The following FGD4 variants were observed in gnomAD, a reference collection of about 807,000 sequenced individuals.
FGD4 encodes FYVE, RhoGEF and PH domain containing 4.
FGD4 carries 42 observed loss-of-function variants against 102.0 expected under a neutral mutation model. The observed-to-expected ratio is 0.41, with a 90% CI of 0.32 to 0.53. FGD4 has a LOEUF of 0.53. Among genes scored for constraint, FGD4 ranks in the 20% least tolerant of loss-of-function variants. The pLI is 0.21. For missense variants in FGD4, 902 were observed against 1,078.2 expected (o/e 0.84, Z 2.29); for synonymous variants, 380 against 375.7 (o/e 1.01, Z -0.13).
intron 1 of FGD4, among the ~76,000 whole-genome samples, chr12:32,422,123 G>A (rs561697622): frequency 7.1e-4 from 104 of 147,002 alleles, no homozygotes; most frequent in African/African-American, 2.0e-3. Flanking sequence ...CAGTGTGGGC[G>A]ACAGAATGAG....
rs999270688 is a variant in FGD4 at position 32,645,591 on chromosome 12, A to G, written c.*5058A>G. ...TCGAGACCAGCCTGGCCAACATGGC[A>G]AAACCCTGTCTCTACAAAAATTAGC... On this transcript the variant is annotated 3_prime_UTR_variant, in exon 17 of 17. Transcript: ENST00000534526. The G allele has an allele frequency of 6.6e-6, 1 of 152,392 alleles. No homozygotes were observed. Among genetic ancestry groups the G allele is most frequent in the Non-Finnish European group, 1.5e-5 (1 of 68,094 alleles). 9.4% of individuals were successfully genotyped at this position (152,392 alleles called of 1,614,324 possible).
intron 10 of FGD4, among the ~76,000 whole-genome samples, chr12:32,616,771 C>T (rs1242674302): frequency 1.3e-5 from 2 of 152,158 alleles, no homozygotes; most frequent in East Asian, 3.8e-4. Context: ...CCATACCATA[C>T]TTTTTCATTG....
chr12:32,508,352 G>T (rs1197977517), intron 1 of FGD4, among the ~76,000 whole-genome samples: 1 of 152,192 alleles, frequency 6.6e-6, no homozygotes, highest in Non-Finnish European at 1.5e-5. Context: ...AGTCTGAAAA[G>T]ATAACTGGCA....
chr12:32,424,410 T>C lies in FGD4; in HGVS notation c.166+24451T>C, dbSNP rs1941757800. Among the ~76,000 whole-genome samples, 3 of 152,342 alleles carry C rather than the reference T, an allele frequency of 2.0e-5. No homozygotes were observed. In the South Asian group the frequency reaches 6.2e-4, roughly 32 times the overall value. ...CAAAGGACATGAACTCATTCTTTTT[T>C]TATGGCTGCATAGTATTCCATGGTG... On this transcript the variant is annotated intron_variant, in intron 1 of 16. Transcript: ENST00000534526.
intron 1 of FGD4, among the ~76,000 whole-genome samples, chr12:32,545,498 C>G (rs1404753691): frequency 6.6e-6 from 1 of 152,212 alleles, no homozygotes; most frequent in Non-Finnish European, 1.5e-5. Flanking sequence ...CATATGGTCC[C>G]TGTTGCAACT....
intron 2 of FGD4, among the ~76,000 whole-genome samples, chr12:32,573,714 C>T (rs1240017519): frequency 6.6e-6 from 1 of 152,126 alleles, no homozygotes; most frequent in Non-Finnish European, 1.5e-5. Flanking sequence ...TGTACATTTA[C>T]ATTTTCTCCC....
chr12:32,408,356 C>T (rs997206203), intron 1 of FGD4, among the ~76,000 whole-genome samples: 3 of 152,052 alleles, frequency 2.0e-5, no homozygotes, highest in Admixed American at 6.6e-5. Flanking sequence ...TTAGTAGAGA[C>T]GGGGTTTCCC....
At chr12:32,459,951 C>A (rs1020682314) in intron 1 of FGD4, among the ~76,000 whole-genome samples, 2 of 152,032 alleles carry the variant, frequency 1.3e-5, no homozygotes, top group Non-Finnish European at 1.5e-5. Flanking sequence ...AGTGATCCCC[C>A]CACCTCAGCC....
intron 2 of FGD4, among the ~76,000 whole-genome samples, chr12:32,572,494 T>G (rs1945754635): frequency 6.6e-6 from 1 of 152,104 alleles, no homozygotes; most frequent in African/African-American, 2.4e-5. Context: ...GGGAAAAAAA[T>G]CTAAATAAAT....
intron 4 of FGD4, among the ~76,000 whole-genome samples, chr12:32,583,329 C>T (rs1042513862): frequency 3.7e-4 from 56 of 152,000 alleles, no homozygotes; most frequent in Non-Finnish European, 5.1e-4. Flanking sequence ...AGAGCGAAAC[C>T]CTGTCTCAAA....
At chr12:32,586,263 CT>C (rs1435913677) in intron 4 of FGD4, among the ~76,000 whole-genome samples, 2 of 151,974 alleles carry the variant, frequency 1.3e-5, no homozygotes, top group Non-Finnish European at 2.9e-5. Context: ...TTTTTAAAAC[CT>C]TTTAAGTTGC....
chr12:32,527,790 A>ATT (rs944834991), intron 1 of FGD4, among the ~76,000 whole-genome samples: 2 of 152,110 alleles, frequency 1.3e-5, no homozygotes, highest in African/African-American at 4.8e-5. Flanking sequence ...AAGAGAAAGT[A>ATT]TTACCAACTG....
chr12:32,563,565 C>T (rs1176822667), intron 1 of FGD4, among the ~76,000 whole-genome samples: 7 of 151,726 alleles, frequency 4.6e-5, no homozygotes, highest in African/African-American at 7.3e-5. Context: ...GATGGGCAGC[C>T]GGGCAGAGAC....
At chr12:32,411,551 A>G (rs1307865448) in intron 1 of FGD4, among the ~76,000 whole-genome samples, 12 of 151,882 alleles carry the variant, frequency 7.9e-5, no homozygotes. Flanking sequence ...CAACAACAAC[A>G]ACAAACACAT....
At chr12:32,610,095 T>C (rs1457627936) in intron 8 of FGD4, among the ~76,000 whole-genome samples, 1 of 152,226 alleles carries the variant, frequency 6.6e-6, no homozygotes, top group Non-Finnish European at 1.5e-5. Context: ...TAGTGGTTAA[T>C]TTGCTCATAC....
intron 1 of FGD4, among the ~76,000 whole-genome samples, chr12:32,455,703 T>C (rs1421331343): frequency 6.6e-6 from 1 of 152,134 alleles, no homozygotes; most frequent in Non-Finnish European, 1.5e-5. Context: ...TTATGTACCT[T>C]TGGCCTCTAG....
In FGD4 at chr12:32,632,705, A is replaced by T. The variant is rs999583843; in HGVS notation, c.2173-844A>T. Reference sequence around the variant, plus strand: ...TATTTTTATTTTTATTTATTTATTTATTTATTTATTTTTTTTTTTTGAGAC... The same window carrying T: ...TATTTTTATTTTTATTTATTTATTTTTTTATTTATTTTTTTTTTTTGAGAC... On this transcript the variant is annotated intron_variant, in intron 14 of 16. Coordinates refer to ENST00000534526, the MANE Select transcript of FGD4 (RefSeq NM_001370298.3). Among the ~76,000 whole-genome samples, 77 of 124,880 alleles carry T rather than the reference A, an allele frequency of 6.2e-4. 1 individual carries two copies. The highest frequency in any genetic ancestry group is 2.3e-3 in the African/African-American group (71 of 31,356). 81.9% of individuals were successfully genotyped at this position (124,880 alleles called of 152,430 possible). A position where few individuals can be genotyped will look rare whatever the true frequency, so the allele number is the denominator to read the frequency against.
At chr12:32,591,756 G>C (rs2136526155) in intron 4 of FGD4, among the ~76,000 whole-genome samples, 1 of 152,286 alleles carries the variant, frequency 6.6e-6, no homozygotes, top group South Asian at 2.1e-4. Flanking sequence ...TGAGGAGGCA[G>C]GACTGACACT....
At chr12:32,638,603 C>G (rs1226710296) in intron 15 of FGD4, 52 bp from the exon 16 acceptor site, 13 of 1,605,536 alleles carry the variant, frequency 8.1e-6, no homozygotes, top group East Asian at 2.2e-5. Flanking sequence ...GTGAATATTT[C>G]TCTATCTGAT....
Sources: gnomAD v4.1 joint callset for allele counts (sites outside exome capture counted in the v4.1 genomes callset) on GRCh38, gnomAD v4.1.1 for gene constraint, MANE v1.5 for transcripts, NCBI Gene and HGNC (gene_info 2026-07-23, HGNC 2026-07-21) for gene names.